Variants in AGBL1 observed in about 807,000 individuals in gnomAD.
The protein encoded by AGBL1 is AGBL carboxypeptidase 1.
AGBL1 carries 130 observed loss-of-function variants against 118.9 expected under a neutral mutation model. That is an observed-to-expected ratio of 1.09 (90% CI 0.95 to 1.26). The LOEUF (loss-of-function observed/expected upper bound fraction) is 1.26, where lower values mean the gene tolerates loss of function less well. Ranked by LOEUF, AGBL1 falls within the 50% of genes most tolerant of loss-of-function variation. AGBL1 has a pLI of 0.00. For missense variants in AGBL1, 1,584 were observed against 1,298.1 expected (o/e 1.22, Z -3.38); for synonymous variants, 555 against 478.9 (o/e 1.16, Z -2.08).
intron 13 of AGBL1, among the ~76,000 whole-genome samples, chr15:86,268,260 T>C (rs1354099480): frequency 6.6e-6 from 1 of 152,018 alleles, no homozygotes; most frequent in Non-Finnish European, 1.5e-5. Flanking sequence ...GCCCAACAAA[T>C]AAAACAGAGA....
intron 24 of AGBL1, among the ~76,000 whole-genome samples, chr15:86,994,969 G>C (rs1016075629): frequency 6.6e-6 from 1 of 152,186 alleles, no homozygotes; most frequent in Non-Finnish European, 1.5e-5. Context: ...CAAGCATAGA[G>C]CTATGTTGGT....
chr15:86,155,580 T>C (rs1489852562), intron 4 of AGBL1, among the ~76,000 whole-genome samples: 6 of 152,236 alleles, frequency 3.9e-5, no homozygotes, highest in African/African-American at 1.4e-4. Flanking sequence ...CGTTAGATCC[T>C]ATACCTTCTA....
chr15:86,468,660 T>C (rs1025792880), intron 18 of AGBL1, among the ~76,000 whole-genome samples: 1 of 152,242 alleles, frequency 6.6e-6, no homozygotes, highest in African/African-American at 2.4e-5. Context: ...CTAATAAGGC[T>C]CCTGTGCTTA....
upstream of AGBL1, chr15:86,079,734 T>A (rs1895142016): frequency 2.8e-6 from 1 of 353,644 alleles, no homozygotes; most frequent in Middle Eastern, 7.5e-4. Context: ...TGCACCCAAA[T>A]GCTCAGCCCT....
At chr15:86,126,751 A>G (rs1898457328) in intron 1 of AGBL1, among the ~76,000 whole-genome samples, 1 of 152,208 alleles carries the variant, frequency 6.6e-6, no homozygotes, top group African/African-American at 2.4e-5. Context: ...AAAGATAAAT[A>G]GGATGCCTAA....
At chr15:86,636,727 A>ATG (rs2085096816) in intron 21 of AGBL1, among the ~76,000 whole-genome samples, 1 of 43,998 alleles carries the variant, frequency 2.3e-5, no homozygotes, top group Non-Finnish European at 3.9e-5. Flanking sequence ...ATATATATAT[A>ATG]TATATATATA....
intron 22 of AGBL1, among the ~76,000 whole-genome samples, chr15:86,785,029 G>C (rs1484700186): frequency 6.6e-6 from 1 of 152,108 alleles, no homozygotes; most frequent in Non-Finnish European, 1.5e-5. Context: ...TTAAGAGGAA[G>C]GCTGTACTTT....
At chr15:86,215,207 G>A (rs1220430776) in intron 5 of AGBL1, among the ~76,000 whole-genome samples, 8 of 148,610 alleles carry the variant, frequency 5.4e-5, no homozygotes, top group Admixed American at 1.4e-4. Flanking sequence ...GTGTGTGTGT[G>A]TGAGTGTATA....
At chr15:86,124,087 T>C (rs1898256147) in intron 1 of AGBL1, among the ~76,000 whole-genome samples, 1 of 152,070 alleles carries the variant, frequency 6.6e-6, no homozygotes, top group Non-Finnish European at 1.5e-5. Context: ...CCTAGCACTT[T>C]GGGAGGCCGA....
intron 22 of AGBL1, among the ~76,000 whole-genome samples, chr15:86,828,818 A>G (rs1169975293): frequency 6.6e-6 from 1 of 151,734 alleles, no homozygotes; most frequent in Non-Finnish European, 1.5e-5. Flanking sequence ...AAGGATTAAC[A>G]CAGTGCAAAT....
At chr15:86,322,092 T>A (rs933111137) in intron 17 of AGBL1, among the ~76,000 whole-genome samples, 14 of 150,792 alleles carry the variant, frequency 9.3e-5, no homozygotes, top group African/African-American at 3.2e-4. Context: ...TTTGTAACTA[T>A]CTCGTGTGCA....
At chr15:86,158,336 A>T (rs369808668) in intron 4 of AGBL1, among the ~76,000 whole-genome samples, 2 of 152,112 alleles carry the variant, frequency 1.3e-5, no homozygotes, top group Admixed American at 6.6e-5. Context: ...CTTCTCTAAG[A>T]CCTCTTGTTC....
At chr15:86,357,672 T>C (rs1374908469) in intron 17 of AGBL1, among the ~76,000 whole-genome samples, 1 of 152,164 alleles carries the variant, frequency 6.6e-6, no homozygotes, top group Non-Finnish European at 1.5e-5. Context: ...TAATATCTTC[T>C]CCAGGGCACT....
At chr15:86,226,397 C>T (rs58255674) in intron 6 of AGBL1, among the ~76,000 whole-genome samples, 2,045 of 152,212 alleles carry the variant, frequency 0.013, 66 homozygotes, top group African/African-American at 0.047. Flanking sequence ...CTCTCAAATC[C>T]CCCCAGCCCA....
intron 22 of AGBL1, among the ~76,000 whole-genome samples, chr15:86,764,537 G>C (rs535594730): frequency 1.9e-4 from 29 of 152,148 alleles, no homozygotes; most frequent in African/African-American, 6.7e-4. Flanking sequence ...TATAAGATGG[G>C]CACATGGGTG....
intron 24 of AGBL1, among the ~76,000 whole-genome samples, chr15:86,990,469 GTGCCAC>G (rs2081327391): frequency 6.6e-6 from 1 of 151,910 alleles, no homozygotes; most frequent in Non-Finnish European, 1.5e-5. Flanking sequence ...AGCCAAGATT[GTGCCAC>G]TGCACTCCAG....
chr15:86,722,430 G>A (rs964295704), intron 22 of AGBL1, among the ~76,000 whole-genome samples: 1 of 152,142 alleles, frequency 6.6e-6, no homozygotes, highest in African/African-American at 2.4e-5. Flanking sequence ...TTAATAAATG[G>A]TGCTGGGAAA....
intron 17 of AGBL1, among the ~76,000 whole-genome samples, chr15:86,370,882 G>A (rs1015731261): frequency 1.3e-5 from 2 of 152,186 alleles, no homozygotes; most frequent in East Asian, 1.9e-4. Context: ...AGACTTGAGT[G>A]CCAAAGTGAT....
At chr15:86,956,951 A>G (rs2080937541) in intron 23 of AGBL1, among the ~76,000 whole-genome samples, 1 of 152,018 alleles carries the variant, frequency 6.6e-6, no homozygotes, top group Non-Finnish European at 1.5e-5. Context: ...ATGAATTAAA[A>G]CGGTATAGAT....
Sources: allele counts gnomAD v4.1 joint callset (sites outside exome capture counted in the v4.1 genomes callset), GRCh38; gene constraint gnomAD v4.1.1; transcripts MANE v1.5; gene names NCBI Gene and HGNC (gene_info 2026-07-23, HGNC 2026-07-21).